UBE2D3: variants seen among roughly 807,000 people sequenced by gnomAD.
UBE2D3 encodes ubiquitin-conjugating enzyme E2 D3.
Under a neutral mutation model 22.8 loss-of-function variants are expected in UBE2D3, and 2 were observed. That is an observed-to-expected ratio of 0.09 (90% CI 0.04 to 0.28). UBE2D3 has a LOEUF of 0.28. UBE2D3 is among the 10% of genes least tolerant of loss of function. The probability of loss-of-function intolerance (pLI) is 1.00; values close to 1 mark genes in which losing one functional copy is unlikely to be tolerated. For synonymous variants in UBE2D3, 56 were observed against 60.4 expected (o/e 0.93, Z 0.34); for missense variants, 27 against 182.5 (o/e 0.15, Z 4.91).
At chr4:102,858,827 A>G (rs1328039396) in intron 1 of UBE2D3, among the ~76,000 whole-genome samples, 2 of 151,926 alleles carry the variant, frequency 1.3e-5, no homozygotes, top group Non-Finnish European at 1.5e-5. Flanking sequence ...CCTCTCCCAC[A>G]TTGTTATCGA....
intron 1 of UBE2D3, among the ~76,000 whole-genome samples, chr4:102,847,802 C>T (rs966104840): frequency 6.6e-5 from 10 of 152,016 alleles, no homozygotes; most frequent in South Asian, 6.2e-4. Context: ...TGCCACCATG[C>T]GCAGCTAATT....
chr4:102,868,884 G>GCAGT, upstream of UBE2D3: 1 of 1,485,002 alleles, frequency 6.7e-7, no homozygotes. Context: ...CCGCGCCTCG[G>GCAGT]CAGTCCGCCG....
intron 1 of UBE2D3, among the ~76,000 whole-genome samples, chr4:102,866,877 TG>T (rs1435252481): frequency 6.6e-6 from 1 of 152,006 alleles, no homozygotes; most frequent in East Asian, 1.9e-4. Flanking sequence ...TACCCAAGGG[TG>T]CTTCTACATT....
rs188713929 is a variant in UBE2D3, at chr4:102,848,000, T to C, written c.-129+20715A>G. ...ACGCTAAGCATGTGGGAATTATTTATAGCCTACTGCTCAAGGTCATCGCCA... is the reference window on the plus strand; with the variant it reads ...ACGCTAAGCATGTGGGAATTATTTACAGCCTACTGCTCAAGGTCATCGCCA... On this transcript the variant is annotated intron_variant, in intron 1 of 7. Transcript: ENST00000338145. Among the ~76,000 whole-genome samples, 3 of 152,302 alleles carry C rather than the reference T, an allele frequency of 2.0e-5. No homozygotes were observed. The East Asian group carries it at 5.8e-4, about 29-fold the overall frequency.
At chr4:102,827,241 G>T in intron 1 of UBE2D3, 186 bp downstream of exon 1, 1 of 973,688 alleles carries the variant, frequency 1.0e-6, no homozygotes, top group Non-Finnish European at 1.2e-6. Context: ...TTAGGCGCGA[G>T]GACGCGCCCA....
intron 1 of UBE2D3, among the ~76,000 whole-genome samples, chr4:102,847,637 TTTTTC>T (rs753272105): frequency 1.6e-3 from 246 of 151,548 alleles, no homozygotes; most frequent in Admixed American, 2.2e-3. Context: ...TTCTTATGTA[TTTTTC>T]TTTTCTTTTC....
At position 102,799,670 on chromosome 4, in the gene UBE2D3, T is replaced by C. The variant is rs150821313; in HGVS notation, c.305-170A>G. Among the ~76,000 whole-genome samples the C allele has an allele frequency of 7.2e-4, 109 of 152,080 alleles. 2 individuals are homozygous for C. Among genetic ancestry groups the C allele is most frequent in the African/African-American group, 2.6e-3 (106 of 41,526 alleles). ...TTTTGTTTCACAGAAGACAAGCTCC[T>C]GGTAAGTAAGAAGTGCTAAAAACAG... On this transcript the variant is annotated intron_variant, in intron 6 of 7. Transcript: ENST00000453744.
intron 2 of UBE2D3, among the ~76,000 whole-genome samples, chr4:102,820,140 A>G (rs566905512): frequency 1.6e-4 from 25 of 152,356 alleles, no homozygotes; most frequent in African/African-American, 6.0e-4. Flanking sequence ...CGAACCAACA[A>G]TAGAGGTCGA....
At chr4:102,821,917 A>G (rs1234371893) in intron 2 of UBE2D3, among the ~76,000 whole-genome samples, 1 of 152,256 alleles carries the variant, frequency 6.6e-6, no homozygotes, top group Non-Finnish European at 1.5e-5. Context: ...CTATTTAAAA[A>G]AAGAATGCAA....
At chr4:102,837,775 A>C (rs62327262) in intron 1 of UBE2D3, among the ~76,000 whole-genome samples, 2 of 151,838 alleles carry the variant, frequency 1.3e-5, no homozygotes, top group East Asian at 1.9e-4. Flanking sequence ...CATGGTGAAA[A>C]CCCATCTCTA....
chr4:102,862,258 C>T (rs544552304), intron 1 of UBE2D3, among the ~76,000 whole-genome samples: 41 of 151,920 alleles, frequency 2.7e-4, no homozygotes, highest in South Asian at 1.9e-3. Flanking sequence ...GTAAGAACAC[C>T]AAACACCAAA....
intron 1 of UBE2D3, among the ~76,000 whole-genome samples, chr4:102,841,967 T>G (rs1731780374): frequency 6.6e-6 from 1 of 152,208 alleles, no homozygotes; most frequent in South Asian, 2.1e-4. Flanking sequence ...AAAGAACTTT[T>G]CAATGGTTTC....
chr4:102,829,546 A>C (rs749361499), upstream of UBE2D3, among the ~76,000 whole-genome samples: 1 of 152,216 alleles, frequency 6.6e-6, no homozygotes. Context: ...TGTGTGGTTA[A>C]AGTGTCATAA....
upstream of UBE2D3, among the ~76,000 whole-genome samples, chr4:102,828,805 G>A (rs2110342485): frequency 6.6e-6 from 1 of 152,304 alleles, no homozygotes. Context: ...TTAAAGTATG[G>A]AGACGGCAGT....
At chr4:102,823,603 T>A (rs1029279493) in intron 2 of UBE2D3, among the ~76,000 whole-genome samples, 2 of 152,240 alleles carry the variant, frequency 1.3e-5, no homozygotes, top group Non-Finnish European at 2.9e-5. Flanking sequence ...TATATTGTAG[T>A]CCCTGTTTAA....
intron 1 of UBE2D3, among the ~76,000 whole-genome samples, chr4:102,842,845 C>T (rs922918837): frequency 8.2e-6 from 1 of 122,082 alleles, no homozygotes; most frequent in Non-Finnish European, 1.7e-5. Flanking sequence ...CGTGGTGGCT[C>T]ACGCCTGTAA....
intron 2 of UBE2D3, among the ~76,000 whole-genome samples, chr4:102,824,618 T>G (rs992716077): frequency 6.6e-6 from 1 of 152,218 alleles, no homozygotes; most frequent in African/African-American, 2.4e-5. Context: ...ATATTGTCTC[T>G]CTAAAGCTTT....
chr4:102,868,132 G>A (rs954333027), intron 1 of UBE2D3, among the ~76,000 whole-genome samples: 5 of 145,898 alleles, frequency 3.4e-5, no homozygotes, highest in African/African-American at 1.3e-4. Context: ...GAGTGCAGTG[G>A]CACATTCTCG....
At chr4:102,821,980 T>TA (rs1259413040) in intron 2 of UBE2D3, among the ~76,000 whole-genome samples, 2 of 152,236 alleles carry the variant, frequency 1.3e-5, no homozygotes, top group Admixed American at 6.5e-5. Flanking sequence ...ATCTCAGTGT[T>TA]ACGAACCTAG....
Sources: allele counts gnomAD v4.1 joint callset (sites outside exome capture counted in the v4.1 genomes callset), GRCh38; gene constraint gnomAD v4.1.1; transcripts MANE v1.5; gene names NCBI Gene and HGNC (gene_info 2026-07-23, HGNC 2026-07-21).